The following PCNX3 variants were observed in gnomAD, a reference collection of about 807,000 sequenced individuals.
The protein encoded by PCNX3 is pecanex-like protein 3.
Under a neutral mutation model 207.2 loss-of-function variants are expected in PCNX3, and 58 were observed. The ratio of observed to expected loss-of-function variants is 0.28; its 90% confidence interval spans 0.23 to 0.35. PCNX3 has a LOEUF of 0.35. Ranked by LOEUF, PCNX3 falls within the 10% of genes least tolerant of loss-of-function variation. PCNX3 has a pLI of 1.00. For synonymous variants in PCNX3, 1,337 were observed against 1,183.5 expected (o/e 1.13, Z -2.66); for missense variants, 2,410 against 2,774.4 (o/e 0.87, Z 2.95).
chr11:65,617,108 C>G, intron 2 of PCNX3, 97 bp downstream of exon 2: 1 of 1,414,458 alleles, frequency 7.1e-7, no homozygotes, highest in East Asian at 2.5e-5. Context: ...CATTGGCTCT[C>G]TGAGTGATTG....
Position 65,618,540 on chromosome 11 carries a change from A to C in PCNX3, c.1178A>C (p.Lys393Thr). The C allele has an allele frequency of 6.2e-7, 1 of 1,611,100 alleles. No individual in the cohort carries two copies. Among genetic ancestry groups the C allele is most frequent in the Non-Finnish European group, 8.5e-7 (1 of 1,178,974 alleles). The change falls in exon 6 of 35, where the codon AAA becomes ACA. Residue 393 changes from lysine (K) to threonine (T), a missense_variant. Physicochemically the swap from Lys to Thr is moderately conservative, Grantham distance 78. Around this residue, in one of 8 missense-constraint regions of PCNX3, gnomAD observed 1,104 missense variants for 970.3 expected, o/e 1.14. Transcript: ENST00000355703. ...PKDLALLRPS[K>T]RQPPLRRHSP... is the part of the protein sequence containing the mutation. ...GACTTGGCCCTGCTACGGCCTAGCA[A>C]ACGGCAGCCACCCCTGCGAAGACAC...
At chr11:65,616,610 TC>T in intron 1 of PCNX3, 146 bp downstream of exon 1, 1 of 1,119,546 alleles carries the variant, frequency 8.9e-7, no homozygotes, top group Non-Finnish European at 1.2e-6. Context: ...GCCAAAGTCT[TC>T]CTTTCTTGGA....
At chr11:65,623,174 C>T (rs1422184524) in intron 11 of PCNX3, among the ~76,000 whole-genome samples, 1 of 152,188 alleles carries the variant, frequency 6.6e-6, no homozygotes, top group Non-Finnish European at 1.5e-5. Flanking sequence ...AGGCAGCATG[C>T]ACGATGTAGC....
chr11:65,634,086 G>A, intron 27 of PCNX3, 40 bp from the exon 28 acceptor site: 1 of 1,568,844 alleles, frequency 6.4e-7, no homozygotes, highest in Non-Finnish European at 8.6e-7. Context: ...CAGTGGCCAG[G>A]GCCGGGACCC....
At chr11:65,620,988 G>T (rs372532355) in intron 10 of PCNX3, 22 bp downstream of exon 10, 9 of 1,516,778 alleles carry the variant, frequency 5.9e-6, no homozygotes, top group African/African-American at 1.4e-5. Flanking sequence ...CCGGGGAAGG[G>T]CCGTGCCAGT....
chr11:65,623,391 C>A, intron 11 of PCNX3, 100 bp from the exon 12 acceptor site: 1 of 1,425,144 alleles, frequency 7.0e-7, no homozygotes, highest in Non-Finnish European at 9.3e-7. Context: ...GGCATGGGCA[C>A]AGTCCCAGAG....
intron 1 of PCNX3, 104 bp downstream of exon 1, chr11:65,616,568 C>T (rs1266886445): frequency 1.5e-6 from 2 of 1,351,204 alleles, no homozygotes; most frequent in Non-Finnish European, 2.0e-6. Flanking sequence ...AGAGAGGAAT[C>T]ACTGCAGAGT....
In PCNX3 at chr11:65,616,815, C is replaced by A; in HGVS notation, c.154-9C>A. The A allele has an allele frequency of 6.2e-7, 1 of 1,606,324 alleles. No individual in the cohort carries two copies. Among genetic ancestry groups the A allele is most frequent in the Non-Finnish European group, 8.5e-7 (1 of 1,173,962 alleles). ...TGTGAAAAGGGACCTGGCTTACTTTCATCTTCAGGTCCTGCCTCCCAGCTT... is the reference window on the plus strand; with the variant it reads ...TGTGAAAAGGGACCTGGCTTACTTTAATCTTCAGGTCCTGCCTCCCAGCTT... On this transcript the variant is annotated splice_polypyrimidine_tract_variant and intron_variant, in intron 1 of 34. Transcript: ENST00000355703.
At position 65,617,941 on chromosome 11, in the gene PCNX3, T is replaced by C; in HGVS notation, c.579T>C (p.Ile193=). The change falls in exon 6 of 35, where the codon ATT becomes ATC. Residue 193 remains isoleucine (I), a splice_region_variant and synonymous_variant. Transcript: ENST00000355703. ...TTCTGTTTCCCTTTATTTTGGCAGT[T>C]GGAGACCTTCCCCAGACGCCTCCAG... ...MLKLSSQEKL[I]GDLPQTPPGA... is the part of the protein sequence containing the mutation. 1 of 1,573,464 alleles carries C rather than the reference T, an allele frequency of 6.4e-7. No individual in the cohort carries two copies.
chr11:65,625,891 C>G lies in PCNX3; in HGVS notation c.3229-13C>G, dbSNP rs1565163979. 3 of 1,610,570 alleles carry G rather than the reference C, an allele frequency of 1.9e-6. No individual in the cohort carries two copies. Among genetic ancestry groups the G allele is most frequent in the Non-Finnish European group, 2.5e-6 (3 of 1,177,838 alleles). On this transcript the variant is annotated splice_polypyrimidine_tract_variant and intron_variant, in intron 19 of 34. Transcript: ENST00000355703. This position sits in a 1 kb window ranked among gnomAD's most constrained non-coding sequence, Gnocchi z 5.6. Reference sequence around the variant, plus strand: ...CTCCCATCAGCTGAGTCTCTGGCCTCTCCCTCCTGCAGTCGGTGCTGGGTT... The same window carrying G: ...CTCCCATCAGCTGAGTCTCTGGCCTGTCCCTCCTGCAGTCGGTGCTGGGTT...
intron 5 of PCNX3, 36 bp from the exon 6 acceptor site, chr11:65,617,904 C>G (rs774216410): frequency 6.5e-7 from 1 of 1,541,604 alleles, no homozygotes; most frequent in East Asian, 2.3e-5. Flanking sequence ...TGCAGAAAAC[C>G]CTTTTTTCAT....
intron 26 of PCNX3, 71 bp downstream of exon 26, chr11:65,629,806 A>G: frequency 6.7e-7 from 1 of 1,487,890 alleles, no homozygotes. Context: ...GTTCAATAGC[A>G]CGTGCGAAGG....
intron 2 of PCNX3, 88 bp from the exon 3 acceptor site, chr11:65,617,162 C>T (rs979061267): frequency 1.6e-5 from 23 of 1,428,210 alleles, no homozygotes; most frequent in Non-Finnish European, 2.0e-5. Context: ...AAAGTGACTT[C>T]TGAAAAAGAA....
intron 9 of PCNX3, 37 bp from the exon 10 acceptor site, chr11:65,620,794 G>C: frequency 6.3e-7 from 1 of 1,583,566 alleles, no homozygotes; most frequent in South Asian, 1.2e-5. Flanking sequence ...CCCAGGGCTC[G>C]CCCGTGGGGG....
In PCNX3 at chr11:65,630,614, G is replaced by A. The variant is rs1158596723; in HGVS notation, c.4470+10G>A. The A allele has an allele frequency of 1.2e-6, 2 of 1,601,922 alleles. No homozygotes were observed. Among genetic ancestry groups the A allele is most frequent in the Non-Finnish European group, 1.7e-6 (2 of 1,170,800 alleles). ...CACCTACTATGTCAAGGTACGGTGG[G>A]CAGGTGTGGCCGGGCAGCAGGGCCC... On this transcript the variant is annotated intron_variant, in intron 27 of 34. Coordinates refer to ENST00000355703, the MANE Select transcript of PCNX3 (RefSeq NM_032223.4).
At position 65,629,560 on chromosome 11, in the gene PCNX3, C is replaced by T. The variant is rs1463352814; in HGVS notation, c.4041C>T (p.His1347=). 1 of 1,613,594 alleles carries T rather than the reference C, an allele frequency of 6.2e-7. No homozygotes were observed. The highest frequency in any genetic ancestry group is 8.5e-7 in the Non-Finnish European group (1 of 1,179,844). The stretch of plus-strand genomic sequence containing the variant: ...ACCTCAACTCCATCTTCTATGAGCA[C>T]TTGACACGTTCGCTGCAGCACACAC... ...DNNLNSIFYE[H]LTRSLQHTLC... is the part of the protein sequence containing the mutation. Residue 1347 remains histidine, a synonymous_variant, in exon 26 of 35, where the codon CAC becomes CAT. Coordinates refer to ENST00000355703, the MANE Select transcript of PCNX3 (RefSeq NM_032223.4).
chr11:65,621,415 C>T (rs559851536), intron 10 of PCNX3, among the ~76,000 whole-genome samples: 2 of 152,348 alleles, frequency 1.3e-5, no homozygotes, highest in Admixed American at 6.5e-5. Context: ...AAGAATATCA[C>T]AGTTTGGACA....
chr11:65,628,130 G>A (rs781266513), intron 22 of PCNX3, among the ~76,000 whole-genome samples: 13 of 152,194 alleles, frequency 8.5e-5, no homozygotes, highest in Admixed American at 7.9e-4. Flanking sequence ...CCTCACGTGG[G>A]CATTCTGTTC....
rs758483969 is a variant in PCNX3 at position 65,618,579 on chromosome 11, G to A, written c.1217G>A (p.Arg406His). Residue 406 changes from arginine (R) to histidine (H), a missense_variant, in exon 6 of 35, where the codon CGT (arginine) becomes CAT (histidine). Around this residue, in one of 8 missense-constraint regions of PCNX3, gnomAD observed 1,104 missense variants for 970.3 expected, o/e 1.14. Coordinates refer to ENST00000355703, the MANE Select transcript of PCNX3 (RefSeq NM_032223.4). ...CTGCGAAGACACTCTCCACCTGGCC[G>A]TGCCCCTCGACGGCCCCTGCTTGAA... is the stretch of plus-strand genomic sequence containing the variant. ...PPLRRHSPPG[R>H]APRRPLLEGG... 34 of 1,611,772 alleles carry A rather than the reference G, an allele frequency of 2.1e-5. No homozygotes were observed. Among genetic ancestry groups the A allele is most frequent in the Middle Eastern group, 1.6e-4 (1 of 6,084 alleles).
Sources: gnomAD v4.1 joint callset for allele counts (sites outside exome capture counted in the v4.1 genomes callset) on GRCh38, gnomAD v4.1.1 for gene constraint, gnomAD v4.1.1 regional missense constraint, Gnocchi (gnomAD v3.1) non-coding constraint, MANE v1.5 for transcripts, NCBI Gene and HGNC (gene_info 2026-07-23, HGNC 2026-07-21) for gene names.